The following ASTN2 variants were observed in gnomAD, a reference collection of about 807,000 sequenced individuals.
The protein encoded by ASTN2 is astrotactin 2, also known as astrotactin-2.
In ASTN2, 54 loss-of-function variants were observed where a neutral mutation model predicts 139.8. That is an observed-to-expected ratio of 0.39 (90% confidence interval 0.31 to 0.48). The LOEUF is 0.48. ASTN2 is among the 20% of genes least tolerant of loss of function. The pLI is 0.95. For synonymous variants in ASTN2, 756 were observed against 719.5 expected, an observed-to-expected ratio of 1.05 and a Z score of -0.81; for missense variants, 1,565 against 1,725.1, an observed-to-expected ratio of 0.91 and a Z score of 1.64.
intron 1 of ASTN2, among the ~76,000 whole-genome samples, chr9:117,406,704 T>A (rs991805611): frequency 2.6e-5 from 4 of 152,268 alleles, no homozygotes; most frequent in Admixed American, 2.6e-4. Flanking sequence ...TAAGCTCTTC[T>A]CATTCTATCC....
At chr9:117,109,143 G>A (rs888908175) in intron 4 of ASTN2, among the ~76,000 whole-genome samples, 13 of 148,348 alleles carry the variant, frequency 8.8e-5, no homozygotes, top group Non-Finnish European at 1.7e-4. Flanking sequence ...TTAGCTGGGC[G>A]TGGAGATACA....
intron 2 of ASTN2, among the ~76,000 whole-genome samples, chr9:117,224,495 G>A (rs1176557859): frequency 1.3e-5 from 2 of 152,144 alleles, no homozygotes; most frequent in African/African-American, 4.8e-5. Context: ...TCCTCCCATA[G>A]GCTCCAAGCG....
At chr9:116,781,652 G>A (rs1830221562) in intron 13 of ASTN2, among the ~76,000 whole-genome samples, 1 of 152,066 alleles carries the variant, frequency 6.6e-6, no homozygotes, top group Admixed American at 6.6e-5. Context: ...AACTCACTGG[G>A]GCTCTCAAAA....
At chr9:117,267,055 A>G (rs1379394422) in intron 2 of ASTN2, among the ~76,000 whole-genome samples, 1 of 152,222 alleles carries the variant, frequency 6.6e-6, no homozygotes, top group East Asian at 1.9e-4. Context: ...GTACATAATT[A>G]GTCGGTTGAT....
chr9:117,217,460 C>T (rs1245519675), intron 2 of ASTN2, among the ~76,000 whole-genome samples: 1 of 152,202 alleles, frequency 6.6e-6, no homozygotes. Context: ...AACCCATCCA[C>T]CTGCAACTAC....
At chr9:116,867,271 GA>G (rs1317000566) in intron 10 of ASTN2, among the ~76,000 whole-genome samples, 2 of 152,122 alleles carry the variant, frequency 1.3e-5, no homozygotes, top group Non-Finnish European at 2.9e-5. Flanking sequence ...CGAGGAGAGG[GA>G]GAGAAGGTGG....
intron 17 of ASTN2, among the ~76,000 whole-genome samples, chr9:116,625,829 G>C (rs1856423737): frequency 1.3e-5 from 2 of 152,046 alleles, no homozygotes; most frequent in South Asian, 4.2e-4. Context: ...TGAACTCTAG[G>C]AAGGAGGTGT....
intron 5 of ASTN2, among the ~76,000 whole-genome samples, chr9:117,081,106 C>T (rs1105890): frequency 0.14 from 21,722 of 152,082 alleles, 2,213 homozygotes; most frequent in East Asian, 0.4. Context: ...AAAAATCCTT[C>T]GCCAGTGAAA....
chr9:116,812,974 G>T (rs1831207593), intron 12 of ASTN2, among the ~76,000 whole-genome samples: 1 of 152,040 alleles, frequency 6.6e-6, no homozygotes, highest in Admixed American at 6.5e-5. Context: ...AGCCACCTAA[G>T]GGCATAGGAA....
chr9:117,414,883 C>G lies in ASTN2; in HGVS notation c.56G>C (p.Arg19Pro). 1.1e-6 allele frequency: 1 copy of G among 896,662 alleles called. No individual in the cohort carries two copies. The allele number at this position is 896,662 out of a possible 1,614,324, so 55.5% of individuals were successfully genotyped here. ...CCCCGGGTGGAAGCAGAGCCTCGGC[C>G]GCCCCCGGAGCCCCGAGCCGGGGCC... Reference protein sequence around the residue: ...SPGPGSGLRGRPRLCFHPGPP... With the variant: ...SPGPGSGLRGPPRLCFHPGPP... Residue 19 changes from arginine (R) to proline (P), a missense_variant, in exon 1 of 23, where the codon CGG (arginine) becomes CCG (proline). By Grantham distance (103) the Arg-to-Pro change is moderately radical (BLOSUM62 -2). Transcript: ENST00000313400. This position sits in a 1 kb window ranked among gnomAD's most constrained non-coding sequence, Gnocchi z 4.2.
chr9:117,097,114 G>A (rs549600083), intron 4 of ASTN2, among the ~76,000 whole-genome samples: 64 of 152,306 alleles, frequency 4.2e-4, no homozygotes, highest in African/African-American at 1.4e-3. Flanking sequence ...AAGCAGCCAG[G>A]AGGCTCAGTG....
At chr9:116,590,351 C>T (rs1854329889) in intron 19 of ASTN2, among the ~76,000 whole-genome samples, 1 of 152,248 alleles carries the variant, frequency 6.6e-6, no homozygotes, top group South Asian at 2.1e-4. Context: ...TGAGGTTGGG[C>T]CCAGGCACTG....
intron 4 of ASTN2, among the ~76,000 whole-genome samples, chr9:117,102,174 A>G (rs1157450221): frequency 6.6e-6 from 1 of 152,256 alleles, no homozygotes; most frequent in African/African-American, 2.4e-5. Context: ...AAAATGTGGT[A>G]TATAGACATA....
At chr9:116,944,364 G>A (rs970906478) in intron 10 of ASTN2, among the ~76,000 whole-genome samples, 1 of 152,090 alleles carries the variant, frequency 6.6e-6, no homozygotes, top group African/African-American at 2.4e-5. Context: ...GTGCCACACA[G>A]ACATGGGAGA....
intron 19 of ASTN2, among the ~76,000 whole-genome samples, chr9:116,601,253 T>C (rs1854882706): frequency 6.6e-6 from 1 of 152,208 alleles, no homozygotes; most frequent in African/African-American, 2.4e-5. Context: ...AGTGCAATTA[T>C]TCAAACCTTG....
chr9:117,016,622 A>AGG (rs1564385830), intron 6 of ASTN2, among the ~76,000 whole-genome samples: 582 of 4,962 alleles, frequency 0.12, 74 homozygotes, highest in African/African-American at 0.23. Flanking sequence ...ATATCTATCT[A>AGG]TCTATATATA....
At chr9:116,813,255 C>G (rs999234891) in intron 12 of ASTN2, among the ~76,000 whole-genome samples, 4 of 152,148 alleles carry the variant, frequency 2.6e-5, no homozygotes, top group African/African-American at 9.7e-5. Flanking sequence ...TTAACACACC[C>G]ATCACATTAT....
In ASTN2 at chr9:116,620,977, G is replaced by A. The variant is rs73655439; in HGVS notation, c.3073-534C>T. 5.1e-3 allele frequency among the ~76,000 whole-genome samples: 782 copies of A among 152,200 alleles called. 10 individuals are homozygous for A. The highest frequency in any genetic ancestry group is 0.018 in the African/African-American group (743 of 41,512). ...CTTCAAAGGTTTCCCATAGTCTTCA[G>A]GATAAAATCTAAATGCCTTGTTCTC... On this transcript the variant is annotated intron_variant, in intron 17 of 22. Transcript: ENST00000313400.
chr9:116,552,795 T>C (rs765268523), intron 19 of ASTN2, among the ~76,000 whole-genome samples: 5 of 152,126 alleles, frequency 3.3e-5, no homozygotes, highest in African/African-American at 4.8e-5. Flanking sequence ...GGGATGAGGT[T>C]TGGGGCCAGA....
Sources: allele counts gnomAD v4.1 joint callset (sites outside exome capture counted in the v4.1 genomes callset), GRCh38; gene constraint gnomAD v4.1.1; non-coding constraint Gnocchi (gnomAD v3.1); transcripts MANE v1.5; gene names NCBI Gene and HGNC (gene_info 2026-07-23, HGNC 2026-07-21).